CD99L2: variants seen among roughly 807,000 people sequenced by gnomAD.
The protein encoded by CD99L2 is CD99 antigen-like protein 2.
A neutral mutation model predicts 27.3 loss-of-function variants in CD99L2; 24 were observed. The ratio of observed to expected loss-of-function variants is 0.88; its 90% CI spans 0.64 to 1.24. The LOEUF is 1.24. Ranked by LOEUF, CD99L2 falls within the 50% of genes most tolerant of loss-of-function variation. The pLI, the probability that CD99L2 is intolerant of heterozygous loss-of-function variation, is 0.00. For missense variants in CD99L2, 255 were observed against 221.6 expected, an observed-to-expected ratio of 1.15 and a Z score of -0.96; for synonymous variants, 97 against 87.9, an observed-to-expected ratio of 1.10 and a Z score of -0.58.
intron 1 of CD99L2, among the ~76,000 whole-genome samples, chrX:150,863,961 C>T (rs1413002336): frequency 8.9e-6 from 1 of 111,849 alleles, no homozygotes; most frequent in East Asian, 2.8e-4. Context: ...TACTTAGAGC[C>T]TTCAGGGAGA....
intron 4 of CD99L2, among the ~76,000 whole-genome samples, chrX:150,798,743 C>T (rs2045854717): frequency 8.9e-6 from 1 of 112,376 alleles, no homozygotes; most frequent in Non-Finnish European, 1.9e-5. Context: ...TGATCTTCAT[C>T]AAAATTTAAA....
chrX:150,777,629 C>G, intron 7 of CD99L2, 147 bp from the exon 8 acceptor site: 2 of 581,329 alleles, frequency 3.4e-6, no homozygotes, highest in African/African-American at 2.2e-5. Flanking sequence ...TAGGCTTCTA[C>G]TGGACTGCAA....
intron 4 of CD99L2, among the ~76,000 whole-genome samples, chrX:150,804,126 A>G (rs1557420165): frequency 8.9e-6 from 1 of 112,122 alleles, no homozygotes; most frequent in African/African-American, 3.2e-5. Context: ...TCAAGCACAC[A>G]TGGAACATTC....
At chrX:150,801,419 G>A (rs1270755657) in intron 4 of CD99L2, among the ~76,000 whole-genome samples, 3 of 111,825 alleles carry the variant, frequency 2.7e-5, no homozygotes, top group African/African-American at 9.8e-5. Flanking sequence ...AGGAGAGAGA[G>A]AGGAGCAAAG....
At chrX:150,893,287 T>C (rs1371842174) in intron 1 of CD99L2, among the ~76,000 whole-genome samples, 2 of 111,040 alleles carry the variant, frequency 1.8e-5, no homozygotes, top group African/African-American at 6.6e-5. Context: ...AGGGCAACCC[T>C]GGAGCCATCT....
chrX:150,773,525 T>G (rs1037973469), intron 9 of CD99L2, among the ~76,000 whole-genome samples: 1 of 112,683 alleles, frequency 8.9e-6, no homozygotes, highest in African/African-American at 3.2e-5. Flanking sequence ...AACTGTGGAC[T>G]GTCGCATCTC....
intron 1 of CD99L2, among the ~76,000 whole-genome samples, chrX:150,883,206 A>C (rs2047358931): frequency 8.9e-6 from 1 of 111,791 alleles, no homozygotes; most frequent in Non-Finnish European, 1.9e-5. Context: ...AAAAACAAAA[A>C]CAAAACAAAC....
chrX:150,864,928 T>A (rs370986509), intron 1 of CD99L2, among the ~76,000 whole-genome samples: 49 of 110,067 alleles, frequency 4.5e-4, no homozygotes, highest in African/African-American at 1.6e-3. Flanking sequence ...TAGCTGGATG[T>A]GGTGGTGCAC....
rs1456259011 is a variant in CD99L2 at position 150,898,504 on chromosome X, GC to G, written c.67+17del. 6.2e-5 allele frequency: 68 copies of G among 1,094,514 alleles called. No individual in the cohort carries two copies. The highest frequency in any genetic ancestry group is 7.3e-5 in the Non-Finnish European group (61 of 839,510). 90.2% of individuals were successfully genotyped at this position (1,094,514 alleles called of 1,213,427 possible). A position where few individuals can be genotyped will look rare whatever the true frequency, so the allele number is the denominator to read the frequency against. ...CGGGGTCCCCGCGCGGTCCCCGCGC[GC>G]CCCCCGCCCGCCTTACCTCGCTGGA... On this transcript the variant is annotated intron_variant, in intron 1 of 10. Coordinates refer to ENST00000370377, the MANE Select transcript of CD99L2 (RefSeq NM_031462.4).
Position 150,769,032 on chromosome X carries a change from C to T in CD99L2, c.*2G>A. 4 of 1,148,142 alleles carry T rather than the reference C, an allele frequency of 3.5e-6. No individual in the cohort carries two copies. The highest frequency in any genetic ancestry group is 4.6e-6 in the Non-Finnish European group (4 of 872,803). 94.6% of individuals were successfully genotyped at this position (1,148,142 alleles called of 1,213,427 possible). On this transcript the variant is annotated 3_prime_UTR_variant, in exon 11 of 11. Transcript: ENST00000370377. ...GTGCATGCCTGCAGCTGGACAGGGC[C>T]CTCAGATCCGGGCTGGTTCGGGCGG...
chrX:150,887,336 C>T (rs1213869800), intron 1 of CD99L2, among the ~76,000 whole-genome samples: 1 of 108,757 alleles, frequency 9.2e-6, no homozygotes, highest in Admixed American at 9.9e-5. Flanking sequence ...ATCGCAGCTA[C>T]TCAGGAGGCT....
chrX:150,816,823 A>G (rs982662259), intron 2 of CD99L2, among the ~76,000 whole-genome samples: 1 of 109,726 alleles, frequency 9.1e-6, no homozygotes, highest in African/African-American at 3.3e-5. Flanking sequence ...ATAGACTGGA[A>G]TAAGAAAATG....
At chrX:150,783,412 T>C (rs782454432) in intron 7 of CD99L2, among the ~76,000 whole-genome samples, 34 of 111,385 alleles carry the variant, frequency 3.1e-4, no homozygotes, top group African/African-American at 1.1e-3. Flanking sequence ...CCTTTAACCC[T>C]GTGAACTACA....
At position 150,801,459 on chromosome X, in the gene CD99L2, C is replaced by A. The variant is rs150096602; in HGVS notation, c.278-5973G>T. ...AACTGCCAAACACTTTAAAAATCAT[C>A]AGCTCTTGTGAGAACTCACTCACTA... On this transcript the variant is annotated intron_variant, in intron 4 of 10. Transcript: ENST00000370377. Among the ~76,000 whole-genome samples the A allele has an allele frequency of 7.6e-3, 840 of 111,172 alleles. 6 individuals carry two copies. Among genetic ancestry groups the A allele is most frequent in the African/African-American group, 0.026 (798 of 30,489 alleles).
At chrX:150,847,158 T>C (rs1306779299) in intron 1 of CD99L2, among the ~76,000 whole-genome samples, 8 of 112,315 alleles carry the variant, frequency 7.1e-5, no homozygotes, top group African/African-American at 2.6e-4. Flanking sequence ...GAGATTTCCA[T>C]AGCACCTCCA....
intron 3 of CD99L2, among the ~76,000 whole-genome samples, chrX:150,815,240 G>A (rs1464528554): frequency 8.9e-6 from 1 of 112,034 alleles, no homozygotes; most frequent in Non-Finnish European, 1.9e-5. Flanking sequence ...CTCACTGACT[G>A]TAGGTATTAA....
chrX:150,852,349 G>C (rs2046805374), intron 1 of CD99L2, among the ~76,000 whole-genome samples: 1 of 110,303 alleles, frequency 9.1e-6, no homozygotes, highest in South Asian at 3.9e-4. Context: ...TGGACCTCTG[G>C]ACTTCACTTG....
At chrX:150,853,762 T>G (rs782458256) in intron 1 of CD99L2, among the ~76,000 whole-genome samples, 6 of 111,905 alleles carry the variant, frequency 5.4e-5, no homozygotes, top group African/African-American at 1.9e-4. Flanking sequence ...CAAGCAGCAA[T>G]GCAAGCCCCA....
chrX:150,848,836 G>A (rs2046746051), intron 1 of CD99L2, among the ~76,000 whole-genome samples: 1 of 111,230 alleles, frequency 9.0e-6, no homozygotes, highest in African/African-American at 3.3e-5. Flanking sequence ...GAAGAGTCAC[G>A]TTTTTGGAAA....
Sources: gnomAD v4.1 joint callset for allele counts (sites outside exome capture counted in the v4.1 genomes callset) on GRCh38, gnomAD v4.1.1 for gene constraint, MANE v1.5 for transcripts, NCBI Gene and HGNC (gene_info 2026-07-23, HGNC 2026-07-21) for gene names.